GSPT1: variants seen among roughly 807,000 people sequenced by gnomAD.
GSPT1 encodes eukaryotic peptide chain release factor GTP-binding subunit ERF3A.
In GSPT1, 20 loss-of-function variants were observed where a neutral mutation model predicts 72.5. The ratio of observed to expected loss-of-function variants is 0.28; its 90% CI spans 0.19 to 0.40. GSPT1 has a LOEUF of 0.40. Among genes scored for constraint, GSPT1 ranks in the 10% least tolerant of loss-of-function variants. The pLI, the probability that GSPT1 is intolerant of heterozygous loss-of-function variation, is 1.00. For missense variants in GSPT1, 580 were observed against 811.9 expected, an observed-to-expected ratio of 0.71 and a Z score of 3.47; for synonymous variants, 334 against 293.5, an observed-to-expected ratio of 1.14 and a Z score of -1.41.
rs533134631 is a variant in GSPT1 at position 11,870,935 on chromosome 16, A to G, written c.*2184T>C. The G allele has an allele frequency of 1.7e-4, 26 of 152,222 alleles. No individual in the cohort carries two copies. Among genetic ancestry groups the G allele is most frequent in the Non-Finnish European group, 3.2e-4 (22 of 68,044 alleles). 9.4% of individuals were successfully genotyped at this position (152,222 alleles called of 1,614,324 possible). A position where few individuals can be genotyped will look rare whatever the true frequency, so the allele number is the denominator to read the frequency against. The stretch of plus-strand genomic sequence containing the variant: ...CAGTGTAAATGTTTTAGTAGCAAAC[A>G]TAACTTATTTTTTAAAAATGTGTTC... On this transcript the variant is annotated 3_prime_UTR_variant, in exon 15 of 15. Transcript: ENST00000434724.
intron 1 of GSPT1, among the ~76,000 whole-genome samples, chr16:11,914,298 C>T (rs2054597516): frequency 6.6e-6 from 1 of 152,136 alleles, no homozygotes; most frequent in African/African-American, 2.4e-5. Flanking sequence ...AGCAAGCTAC[C>T]TACCACAAAA....
At chr16:11,898,659 C>G (rs1386947463) in intron 1 of GSPT1, among the ~76,000 whole-genome samples, 7 of 152,058 alleles carry the variant, frequency 4.6e-5, no homozygotes, top group Non-Finnish European at 1.5e-5. Flanking sequence ...CCACGTTGGT[C>G]AGGCTGGTTT....
At chr16:11,905,030 T>C (rs375686952) in intron 1 of GSPT1, among the ~76,000 whole-genome samples, 1 of 152,214 alleles carries the variant, frequency 6.6e-6, no homozygotes, top group Non-Finnish European at 1.5e-5. Context: ...ATCACACCAC[T>C]GCACTCCAGC....
chr16:11,905,650 C>T (rs761417424), intron 1 of GSPT1, among the ~76,000 whole-genome samples: 9 of 152,244 alleles, frequency 5.9e-5, no homozygotes, highest in South Asian at 2.1e-4. Flanking sequence ...GCCTGGCCAA[C>T]GTGGTGAAAC....
chr16:11,879,030 C>T (rs934914047), intron 11 of GSPT1, among the ~76,000 whole-genome samples: 15 of 147,528 alleles, frequency 1.0e-4, no homozygotes, highest in African/African-American at 3.8e-4. Context: ...GAGCCGAGAT[C>T]GTGCCACTAT....
chr16:11,872,846 C>T lies in GSPT1; in HGVS notation c.*273G>A, dbSNP rs1414909423. On this transcript the variant is annotated 3_prime_UTR_variant, in exon 15 of 15. Coordinates refer to ENST00000434724, the MANE Select transcript of GSPT1 (RefSeq NM_002094.4). ...TTTCATTATTGTAGGCAATTATGTC[C>T]ACATCACTTACAAAGCTATTGCCAA... The T allele has an allele frequency of 1.1e-5, 4 of 354,720 alleles. No individual in the cohort carries two copies. Among genetic ancestry groups the T allele is most frequent in the African/African-American group, 4.2e-5 (2 of 48,122 alleles). The allele number at this position is 354,720 out of a possible 1,614,324, so 22.0% of individuals were successfully genotyped here.
intron 5 of GSPT1, among the ~76,000 whole-genome samples, chr16:11,892,516 A>AAAAT (rs1555504693): frequency 3.4e-4 from 48 of 140,912 alleles, no homozygotes; most frequent in African/African-American, 1.4e-3. Context: ...CAAAAAAACA[A>AAAAT]AAAAAACAAA....
Position 11,915,659 on chromosome 16 carries a change from C to T in GSPT1, c.62G>A (p.Ser21Asn). Reference protein sequence around the residue: ...GGGGGGSSSGSSSSDSAPDCW... With the variant: ...GGGGGGSSSGNSSSDSAPDCW... ...GTCAGGCGCCGAGTCGCTGCTGCTG[C>T]TGCCGCTGCTGCTCCCGCCGCCGCC... Residue 21 changes from serine to asparagine, a missense_variant, in exon 1 of 15, where the codon AGC (serine) becomes AAC (asparagine). Physicochemically the swap from Ser to Asn is conservative, Grantham distance 46. Coordinates refer to ENST00000434724, the MANE Select transcript of GSPT1 (RefSeq NM_002094.4). 1 of 1,487,184 alleles carries T rather than the reference C, an allele frequency of 6.7e-7. No individual in the cohort carries two copies. 92.1% of individuals were successfully genotyped at this position (1,487,184 alleles called of 1,614,324 possible). A position where few individuals can be genotyped will look rare whatever the true frequency, so the allele number is the denominator to read the frequency against.
intron 5 of GSPT1, among the ~76,000 whole-genome samples, chr16:11,891,720 T>G (rs2054264291): frequency 6.8e-6 from 1 of 146,974 alleles, no homozygotes; most frequent in African/African-American, 2.5e-5. Flanking sequence ...TGGAGTGCAG[T>G]GGCGTGATCT....
intron 10 of GSPT1, among the ~76,000 whole-genome samples, chr16:11,883,561 AGT>A (rs1170432218): frequency 4.0e-5 from 6 of 151,674 alleles, no homozygotes; most frequent in African/African-American, 4.8e-5. Context: ...CAGAGGTTAC[AGT>A]GAGCCGAGAC....
chr16:11,874,454 CTTTTTTTTTTTTTTTTTT>C (rs200991035), intron 14 of GSPT1, among the ~76,000 whole-genome samples: 58 of 95,888 alleles, frequency 6.0e-4, no homozygotes, highest in Middle Eastern at 6.9e-3. Flanking sequence ...GCCAAGTTAG[CTTTTTTTTTTTTTTTTTT>C]TTTTTTTTTT....
chr16:11,895,798 TG>T (rs2054329099), intron 4 of GSPT1, among the ~76,000 whole-genome samples: 1 of 152,196 alleles, frequency 6.6e-6, no homozygotes, highest in Non-Finnish European at 1.5e-5. Context: ...GGCTAATTTT[TG>T]TATTTTTAGT....
intron 10 of GSPT1, among the ~76,000 whole-genome samples, chr16:11,883,964 C>G (rs989276504): frequency 6.6e-6 from 1 of 151,132 alleles, no homozygotes; most frequent in African/African-American, 2.4e-5. Flanking sequence ...GTTGGAAGAT[C>G]TGAACTGTTT....
intron 1 of GSPT1, among the ~76,000 whole-genome samples, chr16:11,906,050 G>A (rs528196599): frequency 3.3e-5 from 5 of 151,804 alleles, no homozygotes; most frequent in African/African-American, 7.3e-5. Context: ...TTTCACACTG[G>A]TTCCTTCCAG....
chr16:11,879,755 A>AAC (rs1180903048), intron 11 of GSPT1, among the ~76,000 whole-genome samples: 1 of 151,240 alleles, frequency 6.6e-6, no homozygotes, highest in African/African-American at 2.4e-5. Context: ...AAAAAAAAAA[A>AAC]CAAAACAAAA....
rs144895581 is a variant in GSPT1 at position 11,899,600 on chromosome 16, G to A, written c.353-1565C>T. ...GGACATTAACAAACAGGGGGGAAAC[G>A]CATTTGAACCTGGTTTGGAAGGAGG... On this transcript the variant is annotated intron_variant, in intron 1 of 14. Transcript: ENST00000434724. 4.1e-4 allele frequency among the ~76,000 whole-genome samples: 62 copies of A among 152,244 alleles called. No individual in the cohort carries two copies. The East Asian group carries it at 7.0e-3, about 17-fold the overall frequency.
Position 11,869,869 on chromosome 16 carries a change from T to C in GSPT1, c.*3250A>G, listed in dbSNP as rs1469621010. 3 of 152,218 alleles carry C rather than the reference T, an allele frequency of 2.0e-5. No homozygotes were observed. Among genetic ancestry groups the C allele is most frequent in the Non-Finnish European group, 2.9e-5 (2 of 68,052 alleles). 9.4% of individuals were successfully genotyped at this position (152,218 alleles called of 1,614,324 possible). ...AGCAGTTTTTGATCATAGGTTCAAC[T>C]TTTTTCTTGGGTTGCAAAACTGCAT... On this transcript the variant is annotated 3_prime_UTR_variant, in exon 15 of 15. Transcript: ENST00000434724.
In GSPT1 at chr16:11,901,142, G is replaced by A. The variant is rs373574714; in HGVS notation, c.353-3107C>T. On this transcript the variant is annotated intron_variant, in intron 1 of 14. Transcript: ENST00000434724. ...ACTGCACTCCAGCCTGGGCGAGAGA[G>A]TGACACCCTGTCTCAAAAAATAAAA... Among the ~76,000 whole-genome samples, 38 of 152,282 alleles carry A rather than the reference G, an allele frequency of 2.5e-4. No individual in the cohort carries two copies. In the East Asian group the frequency reaches 6.6e-3, roughly 26 times the overall value.
intron 6 of GSPT1, among the ~76,000 whole-genome samples, chr16:11,889,219 A>C (rs1276998770): frequency 6.6e-6 from 1 of 150,736 alleles, no homozygotes; most frequent in Non-Finnish European, 1.5e-5. Flanking sequence ...GAAGCAGGAG[A>C]ATGGTGTGAA....
Sources: gnomAD v4.1 joint callset for allele counts (sites outside exome capture counted in the v4.1 genomes callset) on GRCh38, gnomAD v4.1.1 for gene constraint, MANE v1.5 for transcripts, NCBI Gene and HGNC (gene_info 2026-07-23, HGNC 2026-07-21) for gene names.